The following KCNIP4 variants were observed in gnomAD, a reference collection of about 807,000 sequenced individuals.
KCNIP4 encodes Kv channel-interacting protein 4.
Under a neutral mutation model 34.0 loss-of-function variants are expected in KCNIP4, and 12 were observed. That is an observed-to-expected ratio of 0.35 (90% CI 0.23 to 0.57). The LOEUF is 0.57. Ranked by LOEUF, KCNIP4 falls within the 20% of genes least tolerant of loss-of-function variation. The probability of loss-of-function intolerance (pLI) is 0.83; values close to 1 mark genes in which losing one functional copy is unlikely to be tolerated. For synonymous variants in KCNIP4, 124 were observed against 102.2 expected (o/e 1.21, Z -1.29); for missense variants, 238 against 311.7 (o/e 0.76, Z 1.78).
At chr4:21,548,779 T>G (rs768964703) in intron 1 of KCNIP4, among the ~76,000 whole-genome samples, 1 of 152,120 alleles carries the variant, frequency 6.6e-6, no homozygotes, top group Non-Finnish European at 1.5e-5. Context: ...GAGGGATAGC[T>G]TATATGCATG....
chr4:21,109,374 T>C (rs4393993), intron 1 of KCNIP4, among the ~76,000 whole-genome samples: 42,424 of 150,870 alleles, frequency 0.28, 5,873 homozygotes, highest in African/African-American at 0.42. Context: ...TAGCAATCAG[T>C]GAGACTCCTT....
At chr4:21,528,303 A>AT (rs774193737) in intron 1 of KCNIP4, among the ~76,000 whole-genome samples, 4 of 152,026 alleles carry the variant, frequency 2.6e-5, no homozygotes, top group African/African-American at 4.8e-5. Context: ...TTTTGGAATG[A>AT]TTGTACAATG....
At chr4:21,921,620 G>A (rs978387079) in intron 1 of KCNIP4, among the ~76,000 whole-genome samples, 2 of 152,030 alleles carry the variant, frequency 1.3e-5, no homozygotes, top group African/African-American at 4.8e-5. Context: ...CCATGCAGTA[G>A]CTCAAGCCAA....
At chr4:21,231,976 A>T (rs1329653019) in intron 1 of KCNIP4, among the ~76,000 whole-genome samples, 1 of 152,192 alleles carries the variant, frequency 6.6e-6, no homozygotes, top group Non-Finnish European at 1.5e-5. Context: ...AGACAAGGGC[A>T]CACATAAAGT....
At chr4:21,575,083 A>G (rs1740650115) in intron 1 of KCNIP4, among the ~76,000 whole-genome samples, 1 of 152,188 alleles carries the variant, frequency 6.6e-6, no homozygotes, top group African/African-American at 2.4e-5. Context: ...CCTTTGTACA[A>G]TACTGCATAA....
intron 1 of KCNIP4, among the ~76,000 whole-genome samples, chr4:20,953,347 T>C (rs780993481): frequency 1.3e-4 from 20 of 152,188 alleles, no homozygotes; most frequent in Non-Finnish European, 1.9e-4. Flanking sequence ...TTGAGACTTC[T>C]ATATGGTTGG....
chr4:21,661,369 C>T (rs992620849), intron 1 of KCNIP4, among the ~76,000 whole-genome samples: 3 of 152,124 alleles, frequency 2.0e-5, no homozygotes, highest in African/African-American at 7.2e-5. Flanking sequence ...CCGCTTAACA[C>T]TTAAGCCATT....
At chr4:21,537,528 A>G (rs1329300103) in intron 1 of KCNIP4, among the ~76,000 whole-genome samples, 1 of 151,984 alleles carries the variant, frequency 6.6e-6, no homozygotes, top group Non-Finnish European at 1.5e-5. Flanking sequence ...CAAAGAAAAA[A>G]TACAAAAAAA....
chr4:20,829,043 T>C (rs1490533239), intron 3 of KCNIP4, among the ~76,000 whole-genome samples: 1 of 152,090 alleles, frequency 6.6e-6, no homozygotes, highest in East Asian at 1.9e-4. Flanking sequence ...AAAATTAATA[T>C]AAAATTAGAG....
intron 1 of KCNIP4, among the ~76,000 whole-genome samples, chr4:21,374,005 TAGG>T (rs1720734979): frequency 6.8e-6 from 1 of 147,346 alleles, no homozygotes; most frequent in East Asian, 2.0e-4. Context: ...ACACCCAGCC[TAGG>T]GTTTCTCATT....
intron 1 of KCNIP4, among the ~76,000 whole-genome samples, chr4:21,908,499 A>T (rs1728120446): frequency 6.6e-6 from 1 of 152,198 alleles, no homozygotes; most frequent in African/African-American, 2.4e-5. Context: ...GAGGTTCACC[A>T]TTCAATCATA....
At chr4:21,147,956 A>AAAAAAAAAAG (rs1553945843) in intron 1 of KCNIP4, among the ~76,000 whole-genome samples, 3 of 128,436 alleles carry the variant, frequency 2.3e-5, no homozygotes, top group African/African-American at 9.2e-5. Flanking sequence ...AAAAAAAAAA[A>AAAAAAAAAAG]AAAAGAAAAA....
intron 1 of KCNIP4, among the ~76,000 whole-genome samples, chr4:21,276,659 A>G (rs1762460143): frequency 6.6e-6 from 1 of 152,120 alleles, no homozygotes; most frequent in African/African-American, 2.4e-5. Context: ...TTTCCTATTC[A>G]ATACCCATCC....
chr4:21,477,407 T>G (rs1400544453), intron 1 of KCNIP4, among the ~76,000 whole-genome samples: 1 of 152,140 alleles, frequency 6.6e-6, no homozygotes, highest in Admixed American at 6.6e-5. Context: ...ACTGAATACC[T>G]TTGAATATCA....
intron 1 of KCNIP4, among the ~76,000 whole-genome samples, chr4:21,687,769 T>C (rs1750927303): frequency 6.6e-6 from 1 of 152,112 alleles, no homozygotes; most frequent in South Asian, 2.1e-4. Context: ...AATGATAATA[T>C]GAAAATATGT....
At chr4:21,945,638 C>A (rs1174142421) in intron 1 of KCNIP4, among the ~76,000 whole-genome samples, 3 of 151,972 alleles carry the variant, frequency 2.0e-5, no homozygotes, top group Non-Finnish European at 4.4e-5. Flanking sequence ...CATCTGCCAT[C>A]TCTAAGTTAG....
chr4:21,696,835 A>T (rs1401084747), intron 1 of KCNIP4, among the ~76,000 whole-genome samples: 1 of 152,160 alleles, frequency 6.6e-6, no homozygotes, highest in Admixed American at 6.6e-5. Context: ...AGCTGTTTTC[A>T]TATTTTGCTC....
intron 1 of KCNIP4, among the ~76,000 whole-genome samples, chr4:21,166,767 C>A (rs536202561): frequency 1.3e-5 from 2 of 151,732 alleles, no homozygotes; most frequent in African/African-American, 4.8e-5. Context: ...GGCAAAACCC[C>A]GTCTCTGCTA....
At chr4:21,935,962 TTATA>T (rs55704216) in intron 1 of KCNIP4, among the ~76,000 whole-genome samples, 1 of 147,994 alleles carries the variant, frequency 6.8e-6, no homozygotes, top group African/African-American at 2.5e-5. Flanking sequence ...GAAATGAAGA[TTATA>T]TATATATATA....
Sources: gnomAD v4.1 joint callset for allele counts (sites outside exome capture counted in the v4.1 genomes callset) on GRCh38, gnomAD v4.1.1 for gene constraint, MANE v1.5 for transcripts, NCBI Gene and HGNC (gene_info 2026-07-23, HGNC 2026-07-21) for gene names.